AFF3: variants seen among roughly 807,000 people sequenced by gnomAD.
AFF3 encodes the protein AF4/FMR2 family member 3.
A neutral mutation model predicts 129.7 loss-of-function variants in AFF3; 32 were observed. The observed-to-expected ratio is 0.25, with a 90% CI of 0.19 to 0.33. AFF3 has a LOEUF of 0.33. AFF3 is among the 10% of genes least tolerant of loss of function. The probability of loss-of-function intolerance (pLI) is 1.00; values close to 1 mark genes in which losing one functional copy is unlikely to be tolerated. For synonymous variants in AFF3, 644 were observed against 635.4 expected, an observed-to-expected ratio of 1.01 and a Z score of -0.20; for missense variants, 1,373 against 1,592.0, an observed-to-expected ratio of 0.86 and a Z score of 2.34.
intron 11 of AFF3, among the ~76,000 whole-genome samples, chr2:99,723,133 C>T (rs948470761): frequency 1.3e-5 from 2 of 152,182 alleles, no homozygotes; most frequent in Non-Finnish European, 2.9e-5. Context: ...AAGTCTGTCA[C>T]AGACATTTTA....
chr2:99,871,132 T>G (rs1242587605), intron 7 of AFF3, among the ~76,000 whole-genome samples: 1 of 152,232 alleles, frequency 6.6e-6, no homozygotes, highest in Non-Finnish European at 1.5e-5. Flanking sequence ...ATAAATCACC[T>G]TCAGACTATG....
intron 13 of AFF3, among the ~76,000 whole-genome samples, chr2:99,607,648 C>T (rs1053454796): frequency 6.6e-6 from 1 of 152,184 alleles, no homozygotes; most frequent in Non-Finnish European, 1.5e-5. Flanking sequence ...ATTGTCCACA[C>T]ACTTTTAACT....
At chr2:99,878,267 TG>T (rs1692446546) in intron 7 of AFF3, among the ~76,000 whole-genome samples, 2 of 152,194 alleles carry the variant, frequency 1.3e-5, no homozygotes, top group Admixed American at 1.3e-4. Context: ...AGAATTCTTT[TG>T]GTTGAATGTT....
At chr2:99,699,240 C>T (rs950487630) in intron 11 of AFF3, among the ~76,000 whole-genome samples, 1 of 152,186 alleles carries the variant, frequency 6.6e-6, no homozygotes, top group African/African-American at 2.4e-5. Context: ...CTGTGCCTCT[C>T]CAGCTGCCTG....
At chr2:99,858,948 G>A (rs1275327324) in intron 7 of AFF3, among the ~76,000 whole-genome samples, 1 of 152,202 alleles carries the variant, frequency 6.6e-6, no homozygotes, top group East Asian at 1.9e-4. Context: ...CAGAATTTTG[G>A]TGTGGTTTGA....
chr2:99,669,292 C>T (rs946416808), intron 12 of AFF3, among the ~76,000 whole-genome samples: 2 of 152,142 alleles, frequency 1.3e-5, no homozygotes, highest in Non-Finnish European at 2.9e-5. Flanking sequence ...ATTCTACTCC[C>T]CGACCCCTGC....
At position 99,593,929 on chromosome 2, in the gene AFF3, G is replaced by C. The variant is rs1233546840; in HGVS notation, c.1732C>G (p.Pro578Ala). ...TTCTTGCCCGCGGACCTCCGGGCAG[G>C]CGCGGGCGCGTTCTCCGCGGGCGCA... Reference protein sequence around the residue: ...PCAPAENAPAPARRSAGKKPT... With the variant: ...PCAPAENAPAAARRSAGKKPT... The change falls in exon 15 of 25, where the codon CCT becomes GCT. Residue 578 changes from proline to alanine, a missense_variant. Physicochemically the swap from Pro to Ala is conservative, Grantham distance 27. Transcript: ENST00000672756. The C allele has an allele frequency of 7.2e-7, 1 of 1,395,364 alleles. No individual in the cohort carries two copies. The highest frequency in any genetic ancestry group is 1.5e-5 in the African/African-American group (1 of 65,892). The allele number at this position is 1,395,364 out of a possible 1,614,324, so 86.4% of individuals were successfully genotyped here. A position where few individuals can be genotyped will look rare whatever the true frequency, so the allele number is the denominator to read the frequency against.
chr2:100,033,307 G>A (rs1303822986), intron 4 of AFF3, among the ~76,000 whole-genome samples: 1 of 152,118 alleles, frequency 6.6e-6, no homozygotes, highest in Non-Finnish European at 1.5e-5. Context: ...AAAACTTTAG[G>A]TAAGAGGAAG....
intron 8 of AFF3, among the ~76,000 whole-genome samples, chr2:99,767,839 G>A (rs1174234140): frequency 6.6e-6 from 1 of 152,198 alleles, no homozygotes; most frequent in Non-Finnish European, 1.5e-5. Context: ...CAGCTACTCA[G>A]GAGGCTGAGG....
chr2:99,648,917 A>ACACACACACACACACACACT, intron 13 of AFF3, among the ~76,000 whole-genome samples: 12 of 46,936 alleles, frequency 2.6e-4, no homozygotes, highest in African/African-American at 7.7e-4. Flanking sequence ...ACACACACAC[A>ACACACACACACACACACACT]CTCTCTCTCT....
intron 4 of AFF3, among the ~76,000 whole-genome samples, chr2:100,033,337 G>A (rs1260110566): frequency 1.3e-5 from 2 of 152,166 alleles, no homozygotes; most frequent in African/African-American, 4.8e-5. Flanking sequence ...AGAAAGATTT[G>A]AGATTAACTG....
intron 11 of AFF3, among the ~76,000 whole-genome samples, chr2:99,722,977 C>G (rs1679036042): frequency 6.6e-6 from 1 of 152,188 alleles, no homozygotes; most frequent in Non-Finnish European, 1.5e-5. Flanking sequence ...GACCCTCTTT[C>G]AAGGATCAAA....
chr2:99,592,470 A>G (rs1246746936), intron 15 of AFF3, among the ~76,000 whole-genome samples: 1 of 152,222 alleles, frequency 6.6e-6, no homozygotes, highest in Non-Finnish European at 1.5e-5. Context: ...TCTTGGGCCA[A>G]TGAGTGATCC....
At chr2:99,780,533 T>A (rs1684316298) in intron 8 of AFF3, among the ~76,000 whole-genome samples, 1 of 152,186 alleles carries the variant, frequency 6.6e-6, no homozygotes, top group Non-Finnish European at 1.5e-5. Flanking sequence ...ACTACACCTT[T>A]CGCCTGAATG....
intron 11 of AFF3, among the ~76,000 whole-genome samples, chr2:99,726,309 C>A (rs569799859): frequency 6.6e-6 from 1 of 152,236 alleles, no homozygotes; most frequent in Admixed American, 6.5e-5. Context: ...TTTTTAAAAT[C>A]CTGATCCCCA....
chr2:99,673,018 G>A (rs898506734), intron 11 of AFF3, among the ~76,000 whole-genome samples: 74 of 150,728 alleles, frequency 4.9e-4, no homozygotes, highest in African/African-American at 1.5e-3. Context: ...AATATCACAC[G>A]TACCTGAAAA....
chr2:100,072,869 C>G (rs1371492220), intron 4 of AFF3, among the ~76,000 whole-genome samples: 2 of 152,154 alleles, frequency 1.3e-5, no homozygotes, highest in East Asian at 1.9e-4. Flanking sequence ...TCCCTTTTAC[C>G]TTAACTGAGT....
chr2:99,667,784 C>T (rs1686802837), intron 12 of AFF3, among the ~76,000 whole-genome samples: 2 of 152,054 alleles, frequency 1.3e-5, no homozygotes, highest in African/African-American at 4.8e-5. Context: ...GAACAGTGTA[C>T]CACTTATACC....
chr2:99,948,625 A>G (rs1005255809), intron 7 of AFF3, among the ~76,000 whole-genome samples: 11 of 152,104 alleles, frequency 7.2e-5, no homozygotes, highest in Admixed American at 6.5e-4. Context: ...CTATCCCCAA[A>G]TCATCCTCCT....
Sources: gnomAD v4.1 joint callset for allele counts (sites outside exome capture counted in the v4.1 genomes callset) on GRCh38, gnomAD v4.1.1 for gene constraint, MANE v1.5 for transcripts, NCBI Gene and HGNC (gene_info 2026-07-23, HGNC 2026-07-21) for gene names.